The following DYNC2I1 variants were observed in gnomAD, a reference collection of about 807,000 sequenced individuals.
The protein encoded by DYNC2I1 is dynein 2 intermediate chain 1.
DYNC2I1 carries 89 observed loss-of-function variants against 133.4 expected under a neutral mutation model. The observed-to-expected ratio is 0.67, with a 90% CI of 0.56 to 0.80. DYNC2I1 has a LOEUF of 0.80. DYNC2I1 is among the 30% of genes least tolerant of loss of function. DYNC2I1 has a pLI of 0.00. For missense variants in DYNC2I1, 1,291 were observed against 1,314.5 expected (o/e 0.98, Z 0.28); for synonymous variants, 504 against 484.3 (o/e 1.04, Z -0.54).
chr7:158,880,810 T>C (rs913995075), intron 5 of DYNC2I1, among the ~76,000 whole-genome samples: 86 of 152,274 alleles, frequency 5.6e-4, no homozygotes, highest in African/African-American at 2.0e-3. Flanking sequence ...TTCTCATGAG[T>C]GTGCTTTTTG....
intron 4 of DYNC2I1, among the ~76,000 whole-genome samples, chr7:158,956,307 C>G (rs1476025706): frequency 6.6e-6 from 1 of 152,208 alleles, no homozygotes. Context: ...GGGACCCAGG[C>G]CTCCTCCCTT....
At chr7:158,921,281 G>A (rs182689778) in intron 15 of DYNC2I1, among the ~76,000 whole-genome samples, 1 of 152,306 alleles carries the variant, frequency 6.6e-6, no homozygotes. Context: ...AGGTCTGAGC[G>A]GTGGGCACAC....
chr7:158,930,891 C>G (rs1247932916), intron 21 of DYNC2I1, among the ~76,000 whole-genome samples: 1 of 152,156 alleles, frequency 6.6e-6, no homozygotes, highest in Non-Finnish European at 1.5e-5. Context: ...TGGTCTCGAA[C>G]ACCTGATCTC....
Position 158,879,943 on chromosome 7 carries a change from G to A in DYNC2I1, c.833G>A (p.Arg278Lys). ...DDERHQSNVD[R>K]KEKSAKDEPR... The stretch of plus-strand genomic sequence containing the variant: ...GAGAGGCACCAAAGCAACGTGGATA[G>A]AAAAGAGAAATCGGCAAAAGATGAG... Residue 278 changes from arginine to lysine, a missense_variant, in exon 5 of 25, where the codon AGA (arginine) becomes AAA (lysine). By Grantham distance (26) the Arg-to-Lys change is conservative (BLOSUM62 2). Coordinates refer to ENST00000407559, the MANE Select transcript of DYNC2I1 (RefSeq NM_018051.5). 1 of 1,604,346 alleles carries A rather than the reference G, an allele frequency of 6.2e-7. No homozygotes were observed. The highest frequency in any genetic ancestry group is 8.5e-7 in the Non-Finnish European group (1 of 1,177,556).
Position 158,871,477 on chromosome 7 carries a change from G to A in DYNC2I1, c.405G>A (p.Arg135=). ...GAAGGGCCCGGAAGGAAGAGCTCCGGCAGACCGTGGCCCACCACAACCTGC... is the reference window on the plus strand; with the variant it reads ...GAAGGGCCCGGAAGGAAGAGCTCCGACAGACCGTGGCCCACCACAACCTGC... The part of the protein sequence containing the change: ...KDRRARKEEL[R]QTVAHHNLLG... The change falls in exon 3 of 25, where the codon CGG becomes CGA. Residue 135 remains arginine (R), a synonymous_variant. Coordinates refer to ENST00000407559, the MANE Select transcript of DYNC2I1 (RefSeq NM_018051.5). 2 of 1,548,494 alleles carry A rather than the reference G, an allele frequency of 1.3e-6. No individual in the cohort carries two copies. The highest frequency in any genetic ancestry group is 1.7e-6 in the Non-Finnish European group (2 of 1,146,870).
At chr7:158,857,054 C>T (rs1841329082) in intron 1 of DYNC2I1, among the ~76,000 whole-genome samples, 1 of 152,060 alleles carries the variant, frequency 6.6e-6, no homozygotes, top group African/African-American at 2.4e-5. Context: ...GGCCTCGGCC[C>T]CTGCTGCGGG....
At chr7:158,856,479 A>C (rs1475358142), upstream of DYNC2I1, 1 of 378,250 alleles carries the variant, frequency 2.6e-6, no homozygotes. Context: ...GGCCGCGGGC[A>C]CGCCGAGCAG....
In DYNC2I1 at chr7:158,891,260, A is replaced by G; in HGVS notation, c.991-5A>G. The stretch of plus-strand genomic sequence containing the variant: ...TGGCTGATGGGGCTGTTCTCTCTCC[A>G]TTAGCATGGCCACGAGGAAGGCTCT... On this transcript the variant is annotated splice_polypyrimidine_tract_variant and splice_region_variant and intron_variant, in intron 7 of 24. Coordinates refer to ENST00000407559, the MANE Select transcript of DYNC2I1 (RefSeq NM_018051.5). 1 of 1,614,008 alleles carries G rather than the reference A, an allele frequency of 6.2e-7. No individual in the cohort carries two copies. Among genetic ancestry groups the G allele is most frequent in the Middle Eastern group, 1.7e-4 (1 of 6,058 alleles).
intron 23 of DYNC2I1, among the ~76,000 whole-genome samples, chr7:158,940,627 A>G (rs1332095777): frequency 6.6e-6 from 1 of 152,258 alleles, no homozygotes; most frequent in East Asian, 1.9e-4. Flanking sequence ...TAGAAATCAT[A>G]TTGAGTATCT....
In DYNC2I1 at chr7:158,911,589, T is replaced by C. The variant is rs1291541338; in HGVS notation, c.1500T>C (p.Asp500=). The change falls in exon 12 of 25, where the codon GAT becomes GAC. Residue 500 remains aspartate, a synonymous_variant. Coordinates refer to ENST00000407559, the MANE Select transcript of DYNC2I1 (RefSeq NM_018051.5). ...STKLLRLIDL[D]FSFTFSLLDL... Reference sequence around the variant, plus strand: ...AACTGCTTCGGCTCATTGACTTAGATTTTTCATTTACTTTCTCTCTCTTGG... The same window carrying C: ...AACTGCTTCGGCTCATTGACTTAGACTTTTCATTTACTTTCTCTCTCTTGG... 1 of 1,613,694 alleles carries C rather than the reference T, an allele frequency of 6.2e-7. No individual in the cohort carries two copies. The highest frequency in any genetic ancestry group is 1.3e-5 in the African/African-American group (1 of 74,914).
At chr7:158,915,347 CG>C (rs1847979366) in intron 14 of DYNC2I1, among the ~76,000 whole-genome samples, 4 of 89,916 alleles carry the variant, frequency 4.4e-5, no homozygotes, top group Non-Finnish European at 7.0e-5. Flanking sequence ...TGTGAAACGT[CG>C]ACACGCTGGT....
Position 158,877,233 on chromosome 7 carries a change from G to A in DYNC2I1, c.573+542G>A, listed in dbSNP as rs1473863831. Among the ~76,000 whole-genome samples the A allele has an allele frequency of 2.6e-5, 4 of 151,918 alleles. No individual in the cohort carries two copies. In the East Asian group the frequency reaches 7.7e-4, roughly 29 times the overall value. On this transcript the variant is annotated intron_variant, in intron 4 of 24. Transcript: ENST00000407559. ...GTGTTGGTGCTCTCGAGGCACCTGC[G>A]GTTCCGGATTGGTGTTCCGCGGCGC...
chr7:158,860,593 T>C (rs1249705672), intron 1 of DYNC2I1, among the ~76,000 whole-genome samples: 2 of 152,226 alleles, frequency 1.3e-5, no homozygotes. Context: ...TTCAAAACTC[T>C]TTAATTTATC....
intron 19 of DYNC2I1, 97 bp from the exon 20 acceptor site, chr7:158,926,895 C>T: frequency 1.1e-6 from 1 of 878,628 alleles, no homozygotes. Context: ...GTTTTAGTAC[C>T]TAAATAGCAC....
intron 4 of DYNC2I1, among the ~76,000 whole-genome samples, chr7:158,878,780 G>T (rs1360722560): frequency 7.2e-6 from 1 of 138,196 alleles, no homozygotes; most frequent in Admixed American, 7.2e-5. Flanking sequence ...GGCCAGGAGG[G>T]CCGACTCTGA....
intron 8 of DYNC2I1, among the ~76,000 whole-genome samples, chr7:158,894,132 A>C (rs56173448): frequency 0.092 from 13,824 of 150,980 alleles, 768 homozygotes; most frequent in East Asian, 0.18. Context: ...ACCGCATATC[A>C]TACCGCATAT....
In DYNC2I1 at chr7:158,879,698, C is replaced by A; in HGVS notation, c.588C>A (p.Asp196Glu). Residue 196 changes from aspartate (D) to glutamate (E), a missense_variant, in exon 5 of 25, where the codon GAC becomes GAA. Transcript: ENST00000407559. ...GTGTTTTACAGCTGCAGTACGGAGA[C>A]AGCAAGGACAACCCTCTCAAGTACT... is the stretch of plus-strand genomic sequence containing the variant. Reference protein sequence around the residue: ...RYRERKLQYGDSKDNPLKYWL... With the variant: ...RYRERKLQYGESKDNPLKYWL... 6.3e-7 allele frequency: 1 copy of A among 1,586,214 alleles called. No homozygotes were observed. The highest frequency in any genetic ancestry group is 8.5e-7 in the Non-Finnish European group (1 of 1,171,666).
At chr7:158,922,611 G>T in intron 16 of DYNC2I1, 62 bp downstream of exon 16, 1 of 1,518,418 alleles carries the variant, frequency 6.6e-7, no homozygotes, top group South Asian at 1.2e-5. Context: ...AGAGCGTGAA[G>T]GTGCAGGTGG....
chr7:158,949,760 A>G (rs2428782), downstream of DYNC2I1, among the ~76,000 whole-genome samples: 130,430 of 151,756 alleles, frequency 0.86, 56,199 homozygotes, highest in East Asian at 0.95. Flanking sequence ...TCAAGGAAAT[A>G]CCTTTCATTT....
Sources: gnomAD v4.1 joint callset for allele counts (sites outside exome capture counted in the v4.1 genomes callset) on GRCh38, gnomAD v4.1.1 for gene constraint, MANE v1.5 for transcripts, NCBI Gene and HGNC (gene_info 2026-07-23, HGNC 2026-07-21) for gene names.